Variants in OR9Q1 observed in about 807,000 individuals in gnomAD.
The protein encoded by OR9Q1 is olfactory receptor family 9 subfamily Q member 1.
For missense variants in OR9Q1, 374 were observed against 378.8 expected, an observed-to-expected ratio of 0.99 and a Z score of 0.11; for synonymous variants, 153 against 148.6, an observed-to-expected ratio of 1.03 and a Z score of -0.22.
intron 2 of OR9Q1, among the ~76,000 whole-genome samples, chr11:58,126,383 C>T (rs570212868): frequency 1.3e-5 from 2 of 152,306 alleles, no homozygotes; most frequent in South Asian, 4.2e-4. Flanking sequence ...CTCTCTGTGT[C>T]CTATAAGCTT....
At chr11:58,165,901 A>G (rs1854500156) in intron 2 of OR9Q1, among the ~76,000 whole-genome samples, 1 of 152,234 alleles carries the variant, frequency 6.6e-6, no homozygotes, top group Non-Finnish European at 1.5e-5. Context: ...ATCAGATTGA[A>G]CAAAGGAATT....
At chr11:58,103,416 A>G (rs1172831805) in intron 2 of OR9Q1, among the ~76,000 whole-genome samples, 1 of 152,150 alleles carries the variant, frequency 6.6e-6, no homozygotes, top group East Asian at 1.9e-4. Flanking sequence ...AAATCATATC[A>G]GTATCCAATA....
At chr11:58,062,524 T>C (rs916526078) in intron 2 of OR9Q1, among the ~76,000 whole-genome samples, 7 of 152,128 alleles carry the variant, frequency 4.6e-5, no homozygotes, top group Admixed American at 6.5e-5. Flanking sequence ...GGATCAGCCT[T>C]GGAGGTCACA....
intron 1 of OR9Q1, among the ~76,000 whole-genome samples, chr11:58,035,126 G>T (rs1164381768): frequency 6.6e-6 from 1 of 152,090 alleles, no homozygotes; most frequent in Non-Finnish European, 1.5e-5. Flanking sequence ...AAGATTTCTT[G>T]ATTAGATGTA....
At chr11:58,024,762 AG>A (rs1253456809) in intron 1 of OR9Q1, among the ~76,000 whole-genome samples, 1 of 152,156 alleles carries the variant, frequency 6.6e-6, no homozygotes, top group Non-Finnish European at 1.5e-5. Context: ...TGCTGTTAAT[AG>A]CCCTGGGAGT....
At chr11:58,145,221 T>G (rs2245676) in intron 2 of OR9Q1, 69,258 of 152,094 alleles carry the variant, frequency 0.46, 17,393 homozygotes, top group African/African-American at 0.66. Context: ...CATGACTGCA[T>G]TGACTCTCTT....
At chr11:58,067,331 C>A (rs144520087) in intron 2 of OR9Q1, among the ~76,000 whole-genome samples, 1 of 152,122 alleles carries the variant, frequency 6.6e-6, no homozygotes, top group South Asian at 2.1e-4. Flanking sequence ...CCACCAAGCC[C>A]GGTCCTGTTT....
intron 2 of OR9Q1, among the ~76,000 whole-genome samples, chr11:58,099,221 C>A (rs552721081): frequency 3.8e-4 from 57 of 149,448 alleles, no homozygotes; most frequent in African/African-American, 1.2e-3. Context: ...CTTATTTATC[C>A]TAAATGATTT....
intron 2 of OR9Q1, among the ~76,000 whole-genome samples, chr11:58,133,452 G>A (rs941054024): frequency 1.3e-5 from 2 of 152,168 alleles, no homozygotes; most frequent in Non-Finnish European, 1.5e-5. Context: ...GGCGCTCAGG[G>A]TGGGGTCAAA....
intron 1 of OR9Q1, among the ~76,000 whole-genome samples, chr11:58,030,067 C>G (rs1853015792): frequency 6.6e-6 from 1 of 152,136 alleles, no homozygotes; most frequent in Non-Finnish European, 1.5e-5. Flanking sequence ...ATCTTGAACA[C>G]CCAACCTCAG....
intron 2 of OR9Q1, among the ~76,000 whole-genome samples, chr11:58,161,104 G>A (rs1445214215): frequency 2.6e-5 from 4 of 151,834 alleles, no homozygotes; most frequent in Admixed American, 2.6e-4. Context: ...TGGGGTCGGG[G>A]GCTGGGGGAG....
At chr11:58,064,885 G>A (rs1335901913) in intron 2 of OR9Q1, among the ~76,000 whole-genome samples, 2 of 151,850 alleles carry the variant, frequency 1.3e-5, no homozygotes, top group Non-Finnish European at 2.9e-5. Flanking sequence ...AAGCATTGGG[G>A]TAGGGGAGAA....
rs903488682 is a variant in OR9Q1 at position 58,118,304 on chromosome 11, A to G, written c.-14-61127A>G. 1.1e-5 allele frequency: 6 copies of G among 521,850 alleles called. No homozygotes were observed. The South Asian group carries it at 1.9e-4, about 16-fold the overall frequency. 32.3% of individuals were successfully genotyped at this position (521,850 alleles called of 1,614,324 possible). ...CTAAGGAATGGATTGAAAGTGGAAGAAGGGGATAAGAAGAAAGAACATGGA... is the reference window on the plus strand; with the variant it reads ...CTAAGGAATGGATTGAAAGTGGAAGGAGGGGATAAGAAGAAAGAACATGGA... On this transcript the variant is annotated intron_variant, in intron 2 of 2. Transcript: ENST00000335397.
chr11:58,050,338 G>A (rs1160961439), intron 1 of OR9Q1, among the ~76,000 whole-genome samples: 2 of 144,620 alleles, frequency 1.4e-5, no homozygotes, highest in African/African-American at 5.1e-5. Context: ...AGAAAAACAA[G>A]CAATGGGGAA....
intron 2 of OR9Q1, among the ~76,000 whole-genome samples, chr11:58,090,270 A>T (rs959358662): frequency 6.6e-5 from 10 of 152,264 alleles, no homozygotes; most frequent in Admixed American, 6.5e-4. Context: ...TCAGTATGAT[A>T]TTGGCTGTGG....
intron 1 of OR9Q1, among the ~76,000 whole-genome samples, chr11:58,046,403 A>C (rs1201181770): frequency 1.3e-5 from 2 of 152,224 alleles, no homozygotes; most frequent in Non-Finnish European, 2.9e-5. Flanking sequence ...GATAGAACGT[A>C]TTATAGAACA....
chr11:58,087,264 A>G (rs949608072), intron 2 of OR9Q1, among the ~76,000 whole-genome samples: 2 of 151,782 alleles, frequency 1.3e-5, no homozygotes, highest in African/African-American at 2.4e-5. Flanking sequence ...GACTCAATAC[A>G]TCATCAATCT....
At chr11:58,164,773 T>C (rs1033699266) in intron 2 of OR9Q1, among the ~76,000 whole-genome samples, 3 of 152,182 alleles carry the variant, frequency 2.0e-5, no homozygotes, top group Admixed American at 2.0e-4. Flanking sequence ...AATTGAATTA[T>C]AAAATAGTTC....
At chr11:58,082,678 A>G (rs1231981570) in intron 2 of OR9Q1, among the ~76,000 whole-genome samples, 3 of 143,858 alleles carry the variant, frequency 2.1e-5, no homozygotes, top group Non-Finnish European at 4.6e-5. Context: ...GCACACCAGC[A>G]TGGCACATGT....
Sources: allele counts gnomAD v4.1 joint callset (sites outside exome capture counted in the v4.1 genomes callset), GRCh38; gene constraint gnomAD v4.1.1; transcripts MANE v1.5; gene names NCBI Gene and HGNC (gene_info 2026-07-23, HGNC 2026-07-21).